Variants in SLC25A38 observed in about 807,000 individuals in gnomAD.
The protein encoded by SLC25A38 is mitochondrial glycine transporter.
Under a neutral mutation model 33.4 loss-of-function variants are expected in SLC25A38, and 27 were observed. The observed-to-expected ratio is 0.81, with a 90% CI of 0.60 to 1.11. SLC25A38 has a LOEUF of 1.11. SLC25A38 is among the 50% of genes most tolerant of loss of function. SLC25A38 has a pLI of 0.00. For missense variants in SLC25A38, 344 were observed against 388.8 expected (o/e 0.88, Z 0.97); for synonymous variants, 123 against 145.9 (o/e 0.84, Z 1.13).
chr3:39,384,624 A>AT (rs2041689258), intron 1 of SLC25A38: 1 of 397,822 alleles, frequency 2.5e-6, no homozygotes, highest in East Asian at 3.6e-5. Context: ...TCCAGATGTG[A>AT]ATTGGACTTA....
chr3:39,390,292 A>G, intron 2 of SLC25A38, 131 bp from the exon 3 acceptor site: 1 of 898,554 alleles, frequency 1.1e-6, no homozygotes, highest in Non-Finnish European at 1.8e-6. Flanking sequence ...AGTATCTCCA[A>G]GGTGCATTGT....
chr3:39,391,421 C>T lies in SLC25A38; in HGVS notation c.277-20C>T. The stretch of plus-strand genomic sequence containing the variant: ...AGTGTTTGGTCTTTGATTTTCTTTT[C>T]TCCCTGACCTTCTCTGCAGTCCATT... On this transcript the variant is annotated intron_variant, in intron 3 of 6. Transcript: ENST00000650617. 1 of 1,612,658 alleles carries T rather than the reference C, an allele frequency of 6.2e-7. No individual in the cohort carries two copies. Among genetic ancestry groups the T allele is most frequent in the Non-Finnish European group, 8.5e-7 (1 of 1,179,968 alleles).
At chr3:39,396,143 G>T (rs1024915839) in intron 6 of SLC25A38, among the ~76,000 whole-genome samples, 1 of 151,958 alleles carries the variant, frequency 6.6e-6, no homozygotes, top group Non-Finnish European at 1.5e-5. Flanking sequence ...CCAGGAGGCA[G>T]AGGTTGCAGT....
intron 1 of SLC25A38, chr3:39,387,713 A>T (rs1418050732): frequency 6.5e-6 from 1 of 152,676 alleles, no homozygotes; most frequent in African/African-American, 2.4e-5. Context: ...CATTACCAGC[A>T]TGTGTGTGAA....
intron 6 of SLC25A38, among the ~76,000 whole-genome samples, chr3:39,395,617 G>C (rs1237524717): frequency 6.6e-6 from 1 of 151,864 alleles, no homozygotes; most frequent in Non-Finnish European, 1.5e-5. Flanking sequence ...GATTATGAGG[G>C]AGGAGGAAGG....
Position 39,390,501 on chromosome 3 carries a change from G to A in SLC25A38, c.270G>A (p.Met90Ile), listed in dbSNP as rs765629350. 4 of 1,613,984 alleles carry A rather than the reference G, an allele frequency of 2.5e-6. No homozygotes were observed. Among genetic ancestry groups the A allele is most frequent in the African/African-American group, 2.7e-5 (2 of 74,900 alleles). The change falls in exon 3 of 7, where the codon ATG becomes ATA. Residue 90 changes from methionine to isoleucine, a missense_variant. By Grantham distance (10) the Met-to-Ile change is conservative (BLOSUM62 1). This residue lies in a region of SLC25A38 where 269 missense variants were observed against 271.8 expected (regional missense o/e 0.99). Coordinates refer to ENST00000650617, the MANE Select transcript of SLC25A38 (RefSeq NM_017875.4). ...GTCTTTTGGGCCTTTGGAAAGGGAT[G>A]TCCCCTGTAAGCTGCCATCTGGGTC... Reference protein sequence around the residue: ...TESLLGLWKGMSPSIVRCVPG... With the variant: ...TESLLGLWKGISPSIVRCVPG...
intron 1 of SLC25A38, chr3:39,384,627 T>A: frequency 2.5e-6 from 1 of 398,370 alleles, no homozygotes; most frequent in East Asian, 3.6e-5. Context: ...AGATGTGAAT[T>A]GGACTTAGGA....
intron 4 of SLC25A38, 64 bp from the exon 5 acceptor site, chr3:39,391,789 T>C: frequency 6.2e-7 from 1 of 1,611,170 alleles, no homozygotes; most frequent in Admixed American, 1.7e-5. Context: ...ACCTGCAGTC[T>C]GCTTGTTCAG....
chr3:39,396,560 C>T lies in SLC25A38; in HGVS notation c.*40C>T. 6.2e-7 allele frequency: 1 copy of T among 1,613,506 alleles called. No homozygotes were observed. The highest frequency in any genetic ancestry group is 8.5e-7 in the Non-Finnish European group (1 of 1,179,908). On this transcript the variant is annotated 3_prime_UTR_variant, in exon 7 of 7. Coordinates refer to ENST00000650617, the MANE Select transcript of SLC25A38 (RefSeq NM_017875.4). ...GGAACGGGTGAAATCTGTTGCCCTG[C>T]TTGGTTTCTGCCAAGGGCTGCTGCT...
rs762562272 is a variant in SLC25A38 at position 39,391,553 on chromosome 3, G to A, written c.389G>A (p.Gly130Glu). Residue 130 changes from glycine (G) to glutamate (E), a missense_variant, in exon 4 of 7, where the codon GGG becomes GAG. Coordinates refer to ENST00000650617, the MANE Select transcript of SLC25A38 (RefSeq NM_017875.4). ...PPTALESVML[G>E]VGSRSVAGVC... ...ACCGCCCTGGAGTCAGTCATGCTGGGGGTGGGCTCTCGCTCTGTTGCAGGG... is the reference window on the plus strand; with the variant it reads ...ACCGCCCTGGAGTCAGTCATGCTGGAGGTGGGCTCTCGCTCTGTTGCAGGG... 2.5e-6 allele frequency: 4 copies of A among 1,614,066 alleles called. No homozygotes were observed. The highest frequency in any genetic ancestry group is 3.4e-6 in the Non-Finnish European group (4 of 1,180,044).
chr3:39,395,425 T>A (rs886941593), intron 6 of SLC25A38, among the ~76,000 whole-genome samples: 8 of 151,712 alleles, frequency 5.3e-5, no homozygotes, highest in Non-Finnish European at 8.8e-5. Flanking sequence ...AAAAAATAAA[T>A]AAATTACAAT....
At position 39,396,472 on chromosome 3, in the gene SLC25A38, G is replaced by A. The variant is rs368412827; in HGVS notation, c.867G>A (p.Ala289=). ...GCAGAACTCTAATGGCAGCAATGGCGTGGACGGTGTATGAAGAGATGATGG... is the reference window on the plus strand; with the variant it reads ...GCAGAACTCTAATGGCAGCAATGGCATGGACGGTGTATGAAGAGATGATGG... The part of the protein sequence containing the change: ...ALRRTLMAAM[A]WTVYEEMMAK... Residue 289 remains alanine, a synonymous_variant, in exon 7 of 7, where the codon GCG becomes GCA. Coordinates refer to ENST00000650617, the MANE Select transcript of SLC25A38 (RefSeq NM_017875.4). 124 of 1,614,020 alleles carry A rather than the reference G, an allele frequency of 7.7e-5. No homozygotes were observed. Among genetic ancestry groups the A allele is most frequent in the Admixed American group, 2.2e-4 (13 of 59,998 alleles).
chr3:39,391,104 C>T (rs539919103), intron 3 of SLC25A38, among the ~76,000 whole-genome samples: 1 of 152,340 alleles, frequency 6.6e-6, no homozygotes, highest in East Asian at 1.9e-4. Flanking sequence ...TCCAAACCCA[C>T]AGAGTCCTCA....
At position 39,389,387 on chromosome 3, in the gene SLC25A38, CAGGTA is replaced by C; in HGVS notation, c.70-105_70-101del. The C allele has an allele frequency of 6.4e-7, 1 of 1,556,232 alleles. No individual in the cohort carries two copies. The highest frequency in any genetic ancestry group is 8.8e-7 in the Non-Finnish European group (1 of 1,130,686). On this transcript the variant is annotated intron_variant, in intron 1 of 6. Coordinates refer to ENST00000650617, the MANE Select transcript of SLC25A38 (RefSeq NM_017875.4). This position sits in a 1 kb window ranked among gnomAD's most constrained non-coding sequence, Gnocchi z 4.5. ...GTATGAAGAAAACATGAGGCACCACCAGGTAAGTGTCTAAGAGACCATTATAAAGG... is the reference window on the plus strand; with the variant it reads ...GTATGAAGAAAACATGAGGCACCACCAGTGTCTAAGAGACCATTATAAAGG...
At chr3:39,385,481 C>T (rs938314510) in intron 1 of SLC25A38, among the ~76,000 whole-genome samples, 5 of 152,156 alleles carry the variant, frequency 3.3e-5, no homozygotes, top group African/African-American at 9.7e-5. Context: ...GGGGAAGCAG[C>T]GCCTAACATA....
At chr3:39,386,224 A>C (rs980151284) in intron 1 of SLC25A38, among the ~76,000 whole-genome samples, 1 of 152,172 alleles carries the variant, frequency 6.6e-6, no homozygotes, top group Admixed American at 6.5e-5. Context: ...AAATTTCACA[A>C]AACATTATCT....
rs753850413 is a variant in SLC25A38 at position 39,383,778 on chromosome 3, G to A, written c.54G>A (p.Thr18=). The change falls in exon 1 of 7, where the codon ACG becomes ACA. Residue 18 remains threonine (T), a synonymous_variant. Transcript: ENST00000650617. ...SLLQPQDVGD[T]VETLMLHPVI... Reference sequence around the variant, plus strand: ...TGCAACCCCAAGATGTCGGAGACACGGTGGAAACGCTTATGGTGAGGGCAC... The same window carrying A: ...TGCAACCCCAAGATGTCGGAGACACAGTGGAAACGCTTATGGTGAGGGCAC... The A allele has an allele frequency of 3.7e-6, 6 of 1,614,180 alleles. No homozygotes were observed. Among genetic ancestry groups the A allele is most frequent in the South Asian group, 2.2e-5 (2 of 91,082 alleles).
In SLC25A38 at chr3:39,391,514, G is replaced by A. The variant is rs778637011; in HGVS notation, c.350G>A (p.Arg117Gln). Residue 117 changes from arginine (R) to glutamine (Q), a missense_variant, in exon 4 of 7, where the codon CGA becomes CAA. Arg to Gln is a conservative substitution (Grantham distance 43). Around this residue, in one of 2 missense-constraint regions of SLC25A38, gnomAD observed 269 missense variants for 271.8 expected, o/e 0.99. Transcript: ENST00000650617. Reference sequence around the variant, plus strand: ...TACTCTTTGAAGCAGTATTTCTTGCGAGGCCATCCCCCAACCGCCCTGGAG... The same window carrying A: ...TACTCTTTGAAGCAGTATTTCTTGCAAGGCCATCCCCCAACCGCCCTGGAG... ...TLYSLKQYFL[R>Q]GHPPTALESV... is the part of the protein sequence containing the mutation. The A allele has an allele frequency of 1.1e-5, 18 of 1,614,026 alleles. No homozygotes were observed. The highest frequency in any genetic ancestry group is 8.8e-5 in the South Asian group (8 of 91,088).
In SLC25A38 at chr3:39,383,610, A is replaced by T; in HGVS notation, c.-115A>T. Reference sequence around the variant, plus strand: ...GCAGACGTCAGAGAGCCCGCGGCTTAAAGCGCGTCGCCTGGCTAGCGCCAC... The same window carrying T: ...GCAGACGTCAGAGAGCCCGCGGCTTTAAGCGCGTCGCCTGGCTAGCGCCAC... On this transcript the variant is annotated 5_prime_UTR_variant, in exon 1 of 7. Transcript: ENST00000650617. 4 of 1,249,146 alleles carry T rather than the reference A, an allele frequency of 3.2e-6. No homozygotes were observed. Among genetic ancestry groups the T allele is most frequent in the Non-Finnish European group, 4.6e-6 (4 of 867,834 alleles). 77.4% of individuals were successfully genotyped at this position (1,249,146 alleles called of 1,614,324 possible).
Sources: allele counts gnomAD v4.1 joint callset (sites outside exome capture counted in the v4.1 genomes callset), GRCh38; gene constraint gnomAD v4.1.1; regional missense constraint gnomAD v4.1.1; non-coding constraint Gnocchi (gnomAD v3.1); transcripts MANE v1.5; gene names NCBI Gene and HGNC (gene_info 2026-07-23, HGNC 2026-07-21).